Variants in CUX2 observed in about 807,000 individuals in gnomAD.
CUX2 encodes the protein cut like homeobox 2, also known as homeobox protein cut-like 2.
In CUX2, 40 loss-of-function variants were observed where a neutral mutation model predicts 144.8. That is an observed-to-expected ratio of 0.28 (90% CI 0.21 to 0.36). CUX2 has a LOEUF of 0.36. Among genes scored for constraint, CUX2 ranks in the 10% least tolerant of loss-of-function variants. The pLI is 1.00. For synonymous variants in CUX2, 827 were observed against 875.6 expected, an observed-to-expected ratio of 0.94 and a Z score of 0.98; for missense variants, 1,615 against 1,994.0, an observed-to-expected ratio of 0.81 and a Z score of 3.62.
Position 111,348,858 on chromosome 12 carries a change from A to T in CUX2, c.*533A>T, listed in dbSNP as rs1888935166. 6.5e-6 allele frequency: 1 copy of T among 152,810 alleles called. No homozygotes were observed. Among genetic ancestry groups the T allele is most frequent in the East Asian group, 1.9e-4 (1 of 5,198 alleles). The allele number at this position is 152,810 out of a possible 1,614,324, so 9.5% of individuals were successfully genotyped here. A position where few individuals can be genotyped will look rare whatever the true frequency, so the allele number is the denominator to read the frequency against. On this transcript the variant is annotated 3_prime_UTR_variant, in exon 22 of 22. Coordinates refer to ENST00000261726, the MANE Select transcript of CUX2 (RefSeq NM_015267.4). ...CTATAAGACTGACCAAAATTTAGATAACCTTTGAACCACGATTTTTTTCCA... is the reference window on the plus strand; with the variant it reads ...CTATAAGACTGACCAAAATTTAGATTACCTTTGAACCACGATTTTTTTCCA...
intron 1 of CUX2, among the ~76,000 whole-genome samples, chr12:111,168,505 C>T (rs1049749864): frequency 2.6e-5 from 4 of 152,222 alleles, no homozygotes; most frequent in African/African-American, 4.8e-5. Flanking sequence ...CACACCAGAA[C>T]CTCGTCCCGT....
At chr12:111,103,222 C>G (rs894136846) in intron 1 of CUX2, among the ~76,000 whole-genome samples, 1 of 152,108 alleles carries the variant, frequency 6.6e-6, no homozygotes, top group Non-Finnish European at 1.5e-5. Context: ...AAGCGGTGCA[C>G]CATGCTCACT....
In CUX2 at chr12:111,186,055, C is replaced by T. The variant is rs373818324; in HGVS notation, c.64-28145C>T. Among the ~76,000 whole-genome samples the T allele has an allele frequency of 2.0e-5, 3 of 152,104 alleles. No homozygotes were observed. ...TCTCTTTCACTCTCACTCTCTCCCT[C>T]CCTCCCTTCCTCCTCCTGCCCTCTG... On this transcript the variant is annotated intron_variant, in intron 1 of 21. Transcript: ENST00000261726. The surrounding 1 kb of genome is among the most constrained non-coding windows in gnomAD (Gnocchi z 4.4).
chr12:111,092,809 T>A (rs1872621076), intron 1 of CUX2, among the ~76,000 whole-genome samples: 1 of 141,356 alleles, frequency 7.1e-6, no homozygotes, highest in African/African-American at 3.0e-5. Context: ...TGGCAGATTT[T>A]TTTTTTTTTT....
intron 1 of CUX2, among the ~76,000 whole-genome samples, chr12:111,157,206 C>G (rs1177322078): frequency 6.7e-6 from 1 of 148,964 alleles, no homozygotes; most frequent in Non-Finnish European, 1.5e-5. Context: ...AATTCACTGG[C>G]AGCTTCCTGG....
intron 1 of CUX2, among the ~76,000 whole-genome samples, chr12:111,069,520 CTGTGTGTGTGTGTGTGTGTGTG>C (rs150243402): frequency 7.2e-6 from 1 of 139,690 alleles, no homozygotes; most frequent in African/African-American, 2.7e-5. Context: ...AAGCCTTGCT[CTGTGTGTGTGTGTGTGTGTGTG>C]TGTGTGTGTG....
intron 1 of CUX2, among the ~76,000 whole-genome samples, chr12:111,144,943 G>A (rs946491842): frequency 6.6e-6 from 1 of 152,142 alleles, no homozygotes; most frequent in Non-Finnish European, 1.5e-5. Flanking sequence ...CTGTCCCACC[G>A]TCTTCCACCT....
intron 4 of CUX2, among the ~76,000 whole-genome samples, chr12:111,275,458 G>A (rs760729434): frequency 4.6e-5 from 7 of 152,220 alleles, no homozygotes; most frequent in African/African-American, 1.2e-4. Flanking sequence ...ACACCCCTGC[G>A]TGGGGCTGGC....
In CUX2 at chr12:111,035,085, C is replaced by A. The variant is rs550437779; in HGVS notation, c.63+845C>A. ...CAGGGCGGTGGAGAGCCGGGAGCGG[C>A]GCAGAGCAGGTGACTCCCAGCCCTC... On this transcript the variant is annotated intron_variant, in intron 1 of 21. Coordinates refer to ENST00000261726, the MANE Select transcript of CUX2 (RefSeq NM_015267.4). This position sits in a 1 kb window ranked among gnomAD's most constrained non-coding sequence, Gnocchi z 6.0. 2.3e-3 allele frequency among the ~76,000 whole-genome samples: 347 copies of A among 152,186 alleles called. 4 individuals carry two copies. Among genetic ancestry groups the A allele is most frequent in the African/African-American group, 8.2e-3 (340 of 41,548 alleles).
At chr12:111,115,013 T>A (rs1874201535) in intron 1 of CUX2, among the ~76,000 whole-genome samples, 1 of 152,144 alleles carries the variant, frequency 6.6e-6, no homozygotes, top group African/African-American at 2.4e-5. Context: ...TTATTCTTTT[T>A]CATTGATCAA....
intron 3 of CUX2, among the ~76,000 whole-genome samples, chr12:111,250,892 T>C (rs1883528998): frequency 6.6e-6 from 1 of 152,210 alleles, no homozygotes; most frequent in Non-Finnish European, 1.5e-5. Flanking sequence ...CTTCATGTAC[T>C]GGCCACACCC....
rs7978126 is a variant in CUX2, at chr12:111,319,694, T to G, written c.2003-318T>G. 8.4e-3 allele frequency among the ~76,000 whole-genome samples: 1,273 copies of G among 152,310 alleles called. 17 individuals are homozygous for G. The highest frequency in any genetic ancestry group is 0.028 in the African/African-American group (1,177 of 41,560). On this transcript the variant is annotated intron_variant, in intron 16 of 21. Transcript: ENST00000261726. Reference sequence around the variant, plus strand: ...TTGCAGTGAGCTGAGATCGTGCCATTGCACTCCATCCTGAGCACCAGAGTG... The same window carrying G: ...TTGCAGTGAGCTGAGATCGTGCCATGGCACTCCATCCTGAGCACCAGAGTG...
chr12:111,251,902 G>C (rs1883579788), intron 3 of CUX2, among the ~76,000 whole-genome samples: 1 of 152,056 alleles, frequency 6.6e-6, no homozygotes, highest in Non-Finnish European at 1.5e-5. Context: ...GTATGGGCCA[G>C]GATTACAAGG....
chr12:111,241,030 T>C (rs1592871611), intron 3 of CUX2, among the ~76,000 whole-genome samples: 1 of 151,980 alleles, frequency 6.6e-6, no homozygotes, highest in African/African-American at 2.4e-5. Context: ...TGAGGCTGGG[T>C]AATGTATAAA....
chr12:111,042,083 AAG>A (rs1030599895), intron 1 of CUX2, among the ~76,000 whole-genome samples: 1 of 152,194 alleles, frequency 6.6e-6, no homozygotes, highest in African/African-American at 2.4e-5. Context: ...CAAAGAAAGA[AAG>A]AAAGAAATCA....
Position 111,108,342 on chromosome 12 carries a change from G to T in CUX2, c.63+74102G>T, listed in dbSNP as rs115446156. 6.0e-3 allele frequency among the ~76,000 whole-genome samples: 911 copies of T among 152,240 alleles called. 11 individuals carry two copies. The highest frequency in any genetic ancestry group is 0.021 in the African/African-American group (861 of 41,546). ...TTATTTTTCCCTTTGTAACTAATAAGTGCTTGTGTGGAAACATTTTGAGAC... is the reference window on the plus strand; with the variant it reads ...TTATTTTTCCCTTTGTAACTAATAATTGCTTGTGTGGAAACATTTTGAGAC... On this transcript the variant is annotated intron_variant, in intron 1 of 21. Transcript: ENST00000261726.
intron 4 of CUX2, among the ~76,000 whole-genome samples, chr12:111,264,094 C>T (rs1295964162): frequency 1.3e-5 from 2 of 152,154 alleles, no homozygotes; most frequent in African/African-American, 4.8e-5. Flanking sequence ...TGAGATATCC[C>T]ACCTGGACCT....
intron 1 of CUX2, among the ~76,000 whole-genome samples, chr12:111,049,920 A>G (rs1387543867): frequency 1.3e-5 from 2 of 152,202 alleles, no homozygotes; most frequent in African/African-American, 4.8e-5. Context: ...AGTGCAGATT[A>G]GCAGCCCCTA....
intron 1 of CUX2, among the ~76,000 whole-genome samples, chr12:111,202,193 T>C (rs1444396975): frequency 2.0e-5 from 3 of 152,208 alleles, no homozygotes; most frequent in Admixed American, 2.0e-4. Flanking sequence ...GGAAGCACTC[T>C]CTGGCCTCTC....
Sources: gnomAD v4.1 joint callset for allele counts (sites outside exome capture counted in the v4.1 genomes callset) on GRCh38, gnomAD v4.1.1 for gene constraint, Gnocchi (gnomAD v3.1) non-coding constraint, MANE v1.5 for transcripts, NCBI Gene and HGNC (gene_info 2026-07-23, HGNC 2026-07-21) for gene names.